DROSHA: variants seen among roughly 807,000 people sequenced by gnomAD.
DROSHA encodes ribonuclease 3.
A neutral mutation model predicts 181.9 loss-of-function variants in DROSHA; 56 were observed. That is an observed-to-expected ratio of 0.31 (90% CI 0.25 to 0.38). DROSHA has a LOEUF of 0.38. DROSHA is among the 10% of genes least tolerant of loss of function. DROSHA has a pLI of 1.00. For missense variants in DROSHA, 1,218 were observed against 1,743.5 expected, an observed-to-expected ratio of 0.70 and a Z score of 5.37; for synonymous variants, 524 against 591.2, an observed-to-expected ratio of 0.89 and a Z score of 1.65.
chr5:31,466,118 C>CA (rs775387396), intron 19 of DROSHA, 64 bp downstream of exon 19: 42 of 1,523,626 alleles, frequency 2.8e-5, no homozygotes, highest in Non-Finnish European at 3.4e-5. Context: ...TGTGATACAA[C>CA]AATCACGAAA....
chr5:31,522,547 A>T (rs2150061495), intron 5 of DROSHA, among the ~76,000 whole-genome samples: 1 of 152,336 alleles, frequency 6.6e-6, no homozygotes, highest in African/African-American at 2.4e-5. Context: ...ACTTGAAAAG[A>T]CCAATTTGGA....
intron 25 of DROSHA, among the ~76,000 whole-genome samples, chr5:31,435,068 A>T (rs1270025006): frequency 1.3e-5 from 2 of 152,180 alleles, no homozygotes; most frequent in African/African-American, 4.8e-5. Flanking sequence ...AGAGGCTTGG[A>T]GAAGAGAACA....
intron 26 of DROSHA, among the ~76,000 whole-genome samples, chr5:31,429,805 A>C (rs1743949310): frequency 6.6e-6 from 1 of 152,210 alleles, no homozygotes; most frequent in South Asian, 2.1e-4. Context: ...AATATCAACT[A>C]TTATGAAGGG....
intron 20 of DROSHA, among the ~76,000 whole-genome samples, chr5:31,456,109 A>T (rs930889352): frequency 6.6e-6 from 1 of 152,190 alleles, no homozygotes; most frequent in Non-Finnish European, 1.5e-5. Flanking sequence ...CTCAAGGACC[A>T]CTGTTTCTAT....
chr5:31,467,165 T>C (rs1228016966), intron 18 of DROSHA: 2 of 151,524 alleles, frequency 1.3e-5, no homozygotes, highest in African/African-American at 2.4e-5. Context: ...CACTGCTTCA[T>C]ACTTTTATCC....
At chr5:31,511,437 G>T (rs1738657538) in intron 8 of DROSHA, among the ~76,000 whole-genome samples, 1 of 152,154 alleles carries the variant, frequency 6.6e-6, no homozygotes, top group African/African-American at 2.4e-5. Flanking sequence ...AGGCGTGCTG[G>T]CTCACGCCTG....
chr5:31,411,469 C>T lies in DROSHA; in HGVS notation c.3526-582G>A, dbSNP rs1319783025. Among the ~76,000 whole-genome samples the T allele has an allele frequency of 2.0e-5, 3 of 152,172 alleles. No individual in the cohort carries two copies. The East Asian group carries it at 5.8e-4, about 29-fold the overall frequency. On this transcript the variant is annotated intron_variant, in intron 30 of 35. Coordinates refer to ENST00000344624, the MANE Select transcript of DROSHA (RefSeq NM_001382508.1). This position sits in a 1 kb window ranked among gnomAD's most constrained non-coding sequence, Gnocchi z 4.2. ...GATTTTTTTTTAAGTCTAAAATAAGCTTCAAGTTTCACGGCACTGATGCTA... is the reference window on the plus strand; with the variant it reads ...GATTTTTTTTTAAGTCTAAAATAAGTTTCAAGTTTCACGGCACTGATGCTA...
chr5:31,411,799 G>T lies in DROSHA; in HGVS notation c.3526-912C>A, dbSNP rs577062109. 6.6e-6 allele frequency among the ~76,000 whole-genome samples: 1 copy of T among 152,072 alleles called. No homozygotes were observed. Among genetic ancestry groups the T allele is most frequent in the South Asian group, 2.1e-4 (1 of 4,814 alleles). ...CTGCCAACATGCCCAGCTAATTTTT[G>T]TATTTTTTGTAGAGACAGGGTTTCA... On this transcript the variant is annotated intron_variant, in intron 30 of 35. Coordinates refer to ENST00000344624, the MANE Select transcript of DROSHA (RefSeq NM_001382508.1). This position sits in a 1 kb window ranked among gnomAD's most constrained non-coding sequence, Gnocchi z 4.2.
intron 30 of DROSHA, among the ~76,000 whole-genome samples, chr5:31,412,344 A>G (rs1741406850): frequency 6.6e-6 from 1 of 152,226 alleles, no homozygotes; most frequent in Admixed American, 6.5e-5. Flanking sequence ...CTGCTAAGAA[A>G]CATTCCTGAA....
Position 31,532,075 on chromosome 5 carries a change from G to A in DROSHA, c.-335C>T, listed in dbSNP as rs1226616501. ...GTACCAAGACAGTGGCACCGCCCGC[G>A]CCTCCGGAACAGGAAACCGAGGGAA... On this transcript the variant is annotated 5_prime_UTR_variant, in exon 1 of 36. Coordinates refer to ENST00000344624, the MANE Select transcript of DROSHA (RefSeq NM_001382508.1). 3 of 396,834 alleles carry A rather than the reference G, an allele frequency of 7.6e-6. No individual in the cohort carries two copies. The highest frequency in any genetic ancestry group is 9.2e-6 in the Non-Finnish European group (2 of 217,784). The allele number at this position is 396,834 out of a possible 1,614,324, so 24.6% of individuals were successfully genotyped here. A position where few individuals can be genotyped will look rare whatever the true frequency, so the allele number is the denominator to read the frequency against.
chr5:31,423,118 A>G (rs1742967940), intron 28 of DROSHA, 174 bp from the exon 29 acceptor site: 2 of 587,430 alleles, frequency 3.4e-6, no homozygotes, highest in Non-Finnish European at 5.6e-6. Context: ...AACAAATCTA[A>G]TATTTAAAGA....
chr5:31,422,878 A>G lies in DROSHA; in HGVS notation c.3328T>C (p.Phe1110Leu), dbSNP rs1346753359. Reference sequence around the variant, plus strand: ...AAAATTACTCCAATTGCTTCTTCAAACTCAGTAAGTTTTTGTAGAACTGGA... The same window carrying G: ...AAAATTACTCCAATTGCTTCTTCAAGCTCAGTAAGTTTTTGTAGAACTGGA... ...TSPVLQKLTE[F>L]EEAIGVIFTH... The change falls in exon 29 of 36, where the codon TTT becomes CTT. Residue 1110 changes from phenylalanine to leucine, a missense_variant. By Grantham distance (22) the Phe-to-Leu change is conservative. This residue lies in a region of DROSHA where 71 missense variants were observed against 95.2 expected (regional missense o/e 0.75). Coordinates refer to ENST00000344624, the MANE Select transcript of DROSHA (RefSeq NM_001382508.1). 1 of 1,613,408 alleles carries G rather than the reference A, an allele frequency of 6.2e-7. No individual in the cohort carries two copies. Among genetic ancestry groups the G allele is most frequent in the Non-Finnish European group, 8.5e-7 (1 of 1,179,686 alleles).
In DROSHA at chr5:31,490,182, CT is replaced by C. The variant is rs146698384; in HGVS notation, c.1842+3024del. On this transcript the variant is annotated intron_variant, in intron 13 of 35. Coordinates refer to ENST00000344624, the MANE Select transcript of DROSHA (RefSeq NM_001382508.1). ...TAAGTCACTGCACCTGGCCCTTTTC[CT>C]TTTTTTTTTTTTTTTTAAGAGACAG... 7.0e-3 allele frequency among the ~76,000 whole-genome samples: 968 copies of C among 137,880 alleles called. 1 individual carries two copies. The highest frequency in any genetic ancestry group is 0.011 in the Middle Eastern group (3 of 270). The allele number at this position is 137,880 out of a possible 152,430, so 90.5% of individuals were successfully genotyped here.
At chr5:31,510,595 A>C (rs1230871763) in intron 9 of DROSHA, among the ~76,000 whole-genome samples, 1 of 152,212 alleles carries the variant, frequency 6.6e-6, no homozygotes, top group Non-Finnish European at 1.5e-5. Context: ...CCTTATGAAA[A>C]AGCTATGCAA....
chr5:31,425,668 A>G (rs1196491953), intron 27 of DROSHA, among the ~76,000 whole-genome samples: 2 of 152,154 alleles, frequency 1.3e-5, no homozygotes, highest in Non-Finnish European at 2.9e-5. Context: ...CTCCCAGTCC[A>G]TAACTCTAAA....
At chr5:31,420,514 A>G (rs997344481) in intron 30 of DROSHA, among the ~76,000 whole-genome samples, 1 of 152,260 alleles carries the variant, frequency 6.6e-6, no homozygotes, top group African/African-American at 2.4e-5. Context: ...CCAAAATAAG[A>G]GGCATAGGGA....
rs1287952565 is a variant in DROSHA, at chr5:31,495,286, T to C, written c.1755A>G (p.Leu585=). The C allele has an allele frequency of 6.2e-7, 1 of 1,613,512 alleles. No individual in the cohort carries two copies. Among genetic ancestry groups the C allele is most frequent in the Admixed American group, 1.7e-5 (1 of 60,004 alleles). The change falls in exon 12 of 36, where the codon TTA becomes TTG. Residue 585 remains leucine (L), a splice_region_variant and synonymous_variant. Coordinates refer to ENST00000344624, the MANE Select transcript of DROSHA (RefSeq NM_001382508.1). The stretch of plus-strand genomic sequence containing the variant: ...TGCATGTGATTCTTTAGAAACTTAC[T>C]AAAAAGTTCGTAGGCGGGGAGACTG... ...RITVSPPTNF[L]TDRPTVIEYD...
At chr5:31,479,763 G>T (rs183327041) in intron 16 of DROSHA, among the ~76,000 whole-genome samples, 1 of 151,974 alleles carries the variant, frequency 6.6e-6, no homozygotes, top group East Asian at 1.9e-4. Flanking sequence ...ATCTGTATCT[G>T]TATATTTGAA....
intron 11 of DROSHA, among the ~76,000 whole-genome samples, chr5:31,500,648 A>G (rs2150047828): frequency 6.6e-6 from 1 of 152,348 alleles, no homozygotes; most frequent in African/African-American, 2.4e-5. Context: ...CAGGAGCACA[A>G]ACATCATCAG....
Sources: allele counts gnomAD v4.1 joint callset (sites outside exome capture counted in the v4.1 genomes callset), GRCh38; gene constraint gnomAD v4.1.1; regional missense constraint gnomAD v4.1.1; non-coding constraint Gnocchi (gnomAD v3.1); transcripts MANE v1.5; gene names NCBI Gene and HGNC (gene_info 2026-07-23, HGNC 2026-07-21).